Variants in KCNH1 observed in about 807,000 individuals in gnomAD.
KCNH1 encodes the protein potassium voltage-gated channel subfamily H member 1.
KCNH1 carries 27 observed loss-of-function variants against 69.2 expected under a neutral mutation model. That is an observed-to-expected ratio of 0.39 (90% confidence interval 0.29 to 0.54). The LOEUF (loss-of-function observed/expected upper bound fraction) is 0.54. KCNH1 is among the 20% of genes least tolerant of loss of function. KCNH1 has a pLI of 0.68. For missense variants in KCNH1, 798 were observed against 1,261.6 expected, an observed-to-expected ratio of 0.63 and a Z score of 5.57; for synonymous variants, 456 against 487.7, an observed-to-expected ratio of 0.93 and a Z score of 0.86.
intron 9 of KCNH1, among the ~76,000 whole-genome samples, chr1:210,797,156 C>T (rs1321084014): frequency 6.6e-6 from 1 of 152,170 alleles, no homozygotes; most frequent in African/African-American, 2.4e-5. Context: ...AACTCATTCT[C>T]AATTTTTAAG....
intron 9 of KCNH1, among the ~76,000 whole-genome samples, chr1:210,794,376 G>A (rs1036853530): frequency 1.3e-5 from 2 of 152,178 alleles, no homozygotes; most frequent in South Asian, 4.1e-4. Context: ...CAGCTTGAAG[G>A]CAACAACCAC....
chr1:211,102,769 C>G (rs568662123), intron 3 of KCNH1, among the ~76,000 whole-genome samples: 1 of 152,320 alleles, frequency 6.6e-6, no homozygotes, highest in South Asian at 2.1e-4. Flanking sequence ...TCAATTGAAT[C>G]AATTTCCTAC....
intron 10 of KCNH1, among the ~76,000 whole-genome samples, chr1:210,695,783 C>T (rs955699887): frequency 2.6e-5 from 4 of 152,204 alleles, no homozygotes; most frequent in Admixed American, 6.5e-5. Context: ...CAGTGAGCCC[C>T]AGGATGTGTG....
At position 210,829,210 on chromosome 1, in the gene KCNH1, C is replaced by T. The variant is rs558824137; in HGVS notation, c.1463-25044G>A. Among the ~76,000 whole-genome samples the T allele has an allele frequency of 2.0e-5, 3 of 152,298 alleles. No homozygotes were observed. The East Asian group carries it at 5.8e-4, about 29-fold the overall frequency. ...ACAAAATGTCTATCCCTTTTGCTGA[C>T]TAGCTTATCCTTCTAAGAAGGCATT... On this transcript the variant is annotated intron_variant, in intron 7 of 10. Coordinates refer to ENST00000271751, the MANE Select transcript of KCNH1 (RefSeq NM_172362.3).
intron 3 of KCNH1, among the ~76,000 whole-genome samples, chr1:211,100,555 T>TG (rs2102481149): frequency 6.6e-6 from 1 of 152,330 alleles, no homozygotes; most frequent in East Asian, 1.9e-4. Context: ...TTCACCATGT[T>TG]GGCCAGGCTG....
At chr1:211,061,418 A>G (rs773268353) in intron 5 of KCNH1, among the ~76,000 whole-genome samples, 20 of 152,170 alleles carry the variant, frequency 1.3e-4, no homozygotes, top group Non-Finnish European at 2.5e-4. Flanking sequence ...AGGGATGCTC[A>G]TTTTCACCAC....
At chr1:210,917,269 AAGAAAGAAAG>A (rs1687363528) in intron 7 of KCNH1, among the ~76,000 whole-genome samples, 1 of 149,412 alleles carries the variant, frequency 6.7e-6, no homozygotes, top group Non-Finnish European at 1.5e-5. Flanking sequence ...GAAAGAAAGA[AAGAAAGAAAG>A]AAAAGAAAAG....
chr1:210,862,829 C>A (rs114673767), intron 7 of KCNH1, among the ~76,000 whole-genome samples: 2,756 of 152,276 alleles, frequency 0.018, 87 homozygotes, highest in African/African-American at 0.062. Flanking sequence ...AGGCCCTTAT[C>A]TCAGCTTAAG....
intron 10 of KCNH1, among the ~76,000 whole-genome samples, chr1:210,751,035 T>C (rs1337001927): frequency 6.6e-6 from 1 of 152,216 alleles, no homozygotes; most frequent in Non-Finnish European, 1.5e-5. Context: ...GGAAGAATAA[T>C]GGACTGGTGC....
chr1:211,120,866 C>T (rs1691671818), intron 1 of KCNH1, among the ~76,000 whole-genome samples: 1 of 152,090 alleles, frequency 6.6e-6, no homozygotes, highest in African/African-American at 2.4e-5. Flanking sequence ...GCAAAAATCA[C>T]AAGCATTCCT....
intron 6 of KCNH1, among the ~76,000 whole-genome samples, chr1:210,995,578 G>C (rs192020556): frequency 1.6e-4 from 25 of 152,282 alleles, no homozygotes; most frequent in African/African-American, 5.8e-4. Flanking sequence ...ATAGCTAATA[G>C]GGTCCATTTA....
At chr1:210,805,817 A>G (rs1178215952) in intron 7 of KCNH1, among the ~76,000 whole-genome samples, 4 of 152,212 alleles carry the variant, frequency 2.6e-5, no homozygotes, top group African/African-American at 7.2e-5. Flanking sequence ...ATTTCCATAT[A>G]AGTTAAAATC....
chr1:210,970,153 T>G (rs1246741066), intron 6 of KCNH1, among the ~76,000 whole-genome samples: 1 of 152,132 alleles, frequency 6.6e-6, no homozygotes, highest in African/African-American at 2.4e-5. Flanking sequence ...AATGTGCAGG[T>G]TTGTCACATA....
chr1:210,829,669 C>T (rs1387481916), intron 7 of KCNH1, among the ~76,000 whole-genome samples: 1 of 152,140 alleles, frequency 6.6e-6, no homozygotes, highest in East Asian at 1.9e-4. Flanking sequence ...AAGACTCTTC[C>T]CCCAAATAAC....
At chr1:211,016,793 C>G (rs903673162) in intron 6 of KCNH1, among the ~76,000 whole-genome samples, 1 of 150,364 alleles carries the variant, frequency 6.7e-6, no homozygotes, top group Non-Finnish European at 1.5e-5. Context: ...CCTATAATCC[C>G]AGCTACTTGG....
At chr1:210,788,685 CTTTTTTTTTTTTTTTTT>C (rs139485350) in intron 9 of KCNH1, among the ~76,000 whole-genome samples, 10 of 80,714 alleles carry the variant, frequency 1.2e-4, no homozygotes, top group Admixed American at 9.8e-4. Context: ...TAGCTTCTTT[CTTTTTTTTTTTTTTTTT>C]TTTTTTTTTT....
At chr1:210,714,479 G>GT (rs1336616947) in intron 10 of KCNH1, among the ~76,000 whole-genome samples, 3 of 152,124 alleles carry the variant, frequency 2.0e-5, no homozygotes, top group Non-Finnish European at 2.9e-5. Flanking sequence ...CTAAAATTCA[G>GT]TGTCCCTGTC....
chr1:211,103,702 T>G (rs1334596627), intron 2 of KCNH1, 100 bp from the exon 3 acceptor site: 1 of 708,260 alleles, frequency 1.4e-6, no homozygotes, highest in Non-Finnish European at 2.3e-6. Context: ...TGCTATGTAC[T>G]GTGGAACACA....
At chr1:210,978,121 C>G (rs1688647817) in intron 6 of KCNH1, among the ~76,000 whole-genome samples, 1 of 151,328 alleles carries the variant, frequency 6.6e-6, no homozygotes, top group African/African-American at 2.4e-5. Context: ...TCACTGCAAG[C>G]TCCGCCTCCC....
Sources: allele counts gnomAD v4.1 joint callset (sites outside exome capture counted in the v4.1 genomes callset), GRCh38; gene constraint gnomAD v4.1.1; transcripts MANE v1.5; gene names NCBI Gene and HGNC (gene_info 2026-07-23, HGNC 2026-07-21).